The following ZNF704 variants were observed in gnomAD, a reference collection of about 807,000 sequenced individuals.
The protein encoded by ZNF704 is zinc finger protein 704.
ZNF704 carries 10 observed loss-of-function variants against 44.7 expected under a neutral mutation model. That is an observed-to-expected ratio of 0.22 (90% confidence interval 0.14 to 0.38). The LOEUF (loss-of-function observed/expected upper bound fraction) is 0.38, where lower values mean the gene tolerates loss of function less well. ZNF704 is among the 10% of genes least tolerant of loss of function. The probability of loss-of-function intolerance (pLI) is 1.00; values close to 1 mark genes in which losing one functional copy is unlikely to be tolerated. For missense variants in ZNF704, 390 were observed against 545.5 expected (o/e 0.71, Z 2.84); for synonymous variants, 211 against 207.6 (o/e 1.02, Z -0.14).
intron 2 of ZNF704, among the ~76,000 whole-genome samples, chr8:80,734,686 T>A (rs1444109094): frequency 6.6e-6 from 1 of 152,252 alleles, no homozygotes; most frequent in Non-Finnish European, 1.5e-5. Flanking sequence ...CCACAACACC[T>A]TTATAAGTTT....
At position 80,639,208 on chromosome 8, in the gene ZNF704, CT is replaced by C. The variant is rs1817705288; in HGVS notation, c.*2157del. The C allele has an allele frequency of 6.6e-6, 1 of 152,260 alleles. No individual in the cohort carries two copies. Among genetic ancestry groups the C allele is most frequent in the Admixed American group, 6.5e-5 (1 of 15,292 alleles). The allele number at this position is 152,260 out of a possible 1,614,324, so 9.4% of individuals were successfully genotyped here. A position where few individuals can be genotyped will look rare whatever the true frequency, so the allele number is the denominator to read the frequency against. On this transcript the variant is annotated 3_prime_UTR_variant, in exon 9 of 9. Transcript: ENST00000327835. ...GAAGAGAAAAACCTCTGGTCCAGGA[CT>C]GTACCCTGTCATTTAAACACATGGT... is the stretch of plus-strand genomic sequence containing the variant.
intron 1 of ZNF704, among the ~76,000 whole-genome samples, chr8:80,830,253 G>A (rs1808447627): frequency 6.6e-6 from 1 of 152,160 alleles, no homozygotes; most frequent in Non-Finnish European, 1.5e-5. Context: ...TTTGTACACT[G>A]AGGCAGAATG....
intron 2 of ZNF704, among the ~76,000 whole-genome samples, chr8:80,758,764 G>T (rs767176856): frequency 2.0e-5 from 3 of 151,994 alleles, no homozygotes; most frequent in Non-Finnish European, 4.4e-5. Flanking sequence ...TTGAAATCAG[G>T]TGCATTTTAT....
chr8:80,719,139 A>T lies in ZNF704; in HGVS notation c.222-26032T>A, dbSNP rs111943205. ...TGCCACCATGACCAGCTAATTTTTT[A>T]AATTTTTTAATTTTTTTGTAGAGAT... On this transcript the variant is annotated intron_variant, in intron 2 of 8. Transcript: ENST00000327835. Among the ~76,000 whole-genome samples, 4 of 151,908 alleles carry T rather than the reference A, an allele frequency of 2.6e-5. 1 individual carries two copies. Among genetic ancestry groups the T allele is most frequent in the South Asian group, 4.2e-4 (2 of 4,786 alleles).
In ZNF704 at chr8:80,821,635, A is replaced by C. The variant is rs186878750; in HGVS notation, c.-21-20T>G. ...CCCCACCTGTGAAATGAAACACAGA[A>C]ATTCTTACTCACATAAAACATCACC... On this transcript the variant is annotated intron_variant, in intron 1 of 8. Transcript: ENST00000327835. 6.7e-5 allele frequency: 106 copies of C among 1,589,758 alleles called. 1 individual carries two copies. The African/African-American group carries it at 9.8e-4, about 15-fold the overall frequency.
intron 4 of ZNF704, among the ~76,000 whole-genome samples, chr8:80,683,034 T>G (rs1013627629): frequency 1.3e-5 from 2 of 152,184 alleles, no homozygotes; most frequent in Non-Finnish European, 2.9e-5. Flanking sequence ...TCTTGTGGAA[T>G]TGATGGTTAA....
At chr8:80,725,586 G>A (rs1411080881) in intron 2 of ZNF704, among the ~76,000 whole-genome samples, 1 of 152,168 alleles carries the variant, frequency 6.6e-6, no homozygotes, top group East Asian at 1.9e-4. Flanking sequence ...TGCTGGAAAA[G>A]TAATGAGGGC....
chr8:80,850,148 T>C (rs1808833394), intron 1 of ZNF704, among the ~76,000 whole-genome samples: 1 of 152,240 alleles, frequency 6.6e-6, no homozygotes, highest in Non-Finnish European at 1.5e-5. Context: ...AAAGTCATTT[T>C]ATATTATGGT....
chr8:80,723,221 C>T (rs773077522), intron 2 of ZNF704, among the ~76,000 whole-genome samples: 1 of 152,024 alleles, frequency 6.6e-6, no homozygotes, highest in Non-Finnish European at 1.5e-5. Context: ...TTTAAAAGCT[C>T]CTCAATCTCA....
At position 80,629,840 on chromosome 8, in the gene ZNF704, T is replaced by G. The variant is rs890713784; in HGVS notation, c.*11526A>C. On this transcript the variant is annotated 3_prime_UTR_variant, in exon 9 of 9. Coordinates refer to ENST00000327835, the MANE Select transcript of ZNF704 (RefSeq NM_001033723.3). ...TCCAATGAAATATTCGTTCACTTCA[T>G]GCAGTTTTGTTTGCTTGTTAATCCA... The G allele has an allele frequency of 1.3e-5, 2 of 152,232 alleles. No individual in the cohort carries two copies. The highest frequency in any genetic ancestry group is 1.3e-4 in the Admixed American group (2 of 15,280). 9.4% of individuals were successfully genotyped at this position (152,232 alleles called of 1,614,324 possible).
rs1194211555 is a variant in ZNF704, at chr8:80,874,405, G to A, written c.-22+166C>T. On this transcript the variant is annotated intron_variant, in intron 1 of 8. Transcript: ENST00000327835. This position sits in a 1 kb window ranked among gnomAD's most constrained non-coding sequence, Gnocchi z 4.4. ...GGCCGAGCCCGCGCGCGCCTCTCCC[G>A]GCCGGCTGCGCCCGCGCGCTCCGGG... 2.0e-5 allele frequency among the ~76,000 whole-genome samples: 3 copies of A among 148,186 alleles called. No homozygotes were observed. Among genetic ancestry groups the A allele is most frequent in the Admixed American group, 6.7e-5 (1 of 14,918 alleles).
At chr8:80,838,023 T>C (rs1808610769) in intron 1 of ZNF704, among the ~76,000 whole-genome samples, 1 of 152,046 alleles carries the variant, frequency 6.6e-6, no homozygotes, top group Non-Finnish European at 1.5e-5. Flanking sequence ...ATCACCAACT[T>C]TTCCATACCC....
At chr8:80,844,839 T>G (rs1050076180) in intron 1 of ZNF704, among the ~76,000 whole-genome samples, 7 of 151,306 alleles carry the variant, frequency 4.6e-5, no homozygotes, top group African/African-American at 1.7e-4. Context: ...TTTTATTTAT[T>G]TATTTATTTA....
At chr8:80,700,600 G>T (rs1475114893) in intron 2 of ZNF704, among the ~76,000 whole-genome samples, 1 of 152,160 alleles carries the variant, frequency 6.6e-6, no homozygotes, top group Admixed American at 6.5e-5. Flanking sequence ...AGTATTTATA[G>T]GTGAAATAAC....
At chr8:80,795,306 G>A (rs1004680944) in intron 2 of ZNF704, among the ~76,000 whole-genome samples, 2 of 152,172 alleles carry the variant, frequency 1.3e-5, no homozygotes, top group Non-Finnish European at 2.9e-5. Context: ...ACTGTAACTT[G>A]TAATTTTGAG....
At chr8:80,729,739 G>A (rs1303201509) in intron 2 of ZNF704, among the ~76,000 whole-genome samples, 1 of 152,220 alleles carries the variant, frequency 6.6e-6, no homozygotes, top group African/African-American at 2.4e-5. Context: ...CATCTGAGCT[G>A]TAGTGCTGAT....
chr8:80,847,565 A>C (rs1808787859), intron 1 of ZNF704, among the ~76,000 whole-genome samples: 1 of 152,208 alleles, frequency 6.6e-6, no homozygotes, highest in African/African-American at 2.4e-5. Context: ...CCCATCCCTA[A>C]GTTATGGCTT....
intron 3 of ZNF704, 96 bp downstream of exon 3, chr8:80,692,908 T>C: frequency 9.1e-7 from 1 of 1,093,222 alleles, no homozygotes; most frequent in East Asian, 2.5e-5. Context: ...TGAGGGTCAG[T>C]GGTTCATAGC....
At position 80,639,211 on chromosome 8, in the gene ZNF704, T is replaced by C. The variant is rs545356759; in HGVS notation, c.*2155A>G. On this transcript the variant is annotated 3_prime_UTR_variant, in exon 9 of 9. Coordinates refer to ENST00000327835, the MANE Select transcript of ZNF704 (RefSeq NM_001033723.3). ...GAGAAAAACCTCTGGTCCAGGACTG[T>C]ACCCTGTCATTTAAACACATGGTGA... The C allele has an allele frequency of 1.3e-5, 2 of 152,360 alleles. No individual in the cohort carries two copies. Among genetic ancestry groups the C allele is most frequent in the South Asian group, 2.1e-4 (1 of 4,822 alleles). 9.4% of individuals were successfully genotyped at this position (152,360 alleles called of 1,614,324 possible). A position where few individuals can be genotyped will look rare whatever the true frequency, so the allele number is the denominator to read the frequency against.
Sources: gnomAD v4.1 joint callset for allele counts (sites outside exome capture counted in the v4.1 genomes callset) on GRCh38, gnomAD v4.1.1 for gene constraint, Gnocchi (gnomAD v3.1) non-coding constraint, MANE v1.5 for transcripts, NCBI Gene and HGNC (gene_info 2026-07-23, HGNC 2026-07-21) for gene names.